The following COL6A6 variants were observed in gnomAD, a reference collection of about 807,000 sequenced individuals.
The protein encoded by COL6A6 is collagen type VI alpha 6 chain.
In COL6A6, 183 loss-of-function variants were observed where a neutral mutation model predicts 208.6. The observed-to-expected ratio is 0.88, with a 90% CI of 0.78 to 0.99. COL6A6 has a LOEUF of 0.99. Ranked by LOEUF, COL6A6 falls within the 50% of genes least tolerant of loss-of-function variation. The pLI, the probability that COL6A6 is intolerant of heterozygous loss-of-function variation, is 0.00. For synonymous variants in COL6A6, 973 were observed against 1,011.8 expected (o/e 0.96, Z 0.73); for missense variants, 2,816 against 2,815.2 (o/e 1.00, Z -0.01).
rs1422544682 is a variant in COL6A6, at chr3:130,641,697, G to A, written c.5137G>A (p.Gly1713Arg). 3 of 1,594,910 alleles carry A rather than the reference G, an allele frequency of 1.9e-6. No homozygotes were observed. The highest frequency in any genetic ancestry group is 2.6e-6 in the Non-Finnish European group (3 of 1,164,350). ...AGAGATGGGATCCCCTGGGGAACCA[G>A]GACCTCCTGGACGTAAGGTAAGTAG... ...PGEMGSPGEP[G>R]PPGRKGVKGA... is the part of the protein sequence containing the mutation. The change falls in exon 29 of 37, where the codon GGA becomes AGA. Residue 1713 changes from glycine (G) to arginine (R), a missense_variant. Physicochemically the swap from Gly to Arg is moderately radical, Grantham distance 125. Coordinates refer to ENST00000358511, the MANE Select transcript of COL6A6 (RefSeq NM_001102608.3).
intron 32 of COL6A6, among the ~76,000 whole-genome samples, chr3:130,647,299 G>T (rs577193767): frequency 6.6e-6 from 1 of 152,204 alleles, no homozygotes; most frequent in South Asian, 2.1e-4. Context: ...AAAAAAACTT[G>T]AATTTTTTTT....
intron 1 of COL6A6, among the ~76,000 whole-genome samples, chr3:130,554,154 G>A (rs1486660773): frequency 6.6e-5 from 10 of 152,226 alleles, no homozygotes; most frequent in Admixed American, 6.5e-4. Flanking sequence ...TTGGATGGTG[G>A]CAGCAAGCTC....
chr3:130,638,089 G>A (rs774379816), intron 28 of COL6A6, among the ~76,000 whole-genome samples: 5 of 151,478 alleles, frequency 3.3e-5, no homozygotes, highest in Non-Finnish European at 5.9e-5. Context: ...ATTCTCCCTT[G>A]CTAAGAACCA....
At chr3:130,598,586 C>T (rs1432831516) in intron 19 of COL6A6, among the ~76,000 whole-genome samples, 156 bp downstream of exon 19, 2 of 152,192 alleles carry the variant, frequency 1.3e-5, no homozygotes, top group African/African-American at 2.4e-5. Flanking sequence ...TTTTCTCCTG[C>T]CTATGTACTA....
Position 130,676,094 on chromosome 3 carries a change from T to C in COL6A6, c.*697T>C, listed in dbSNP as rs1257406953. 1 of 152,254 alleles carries C rather than the reference T, an allele frequency of 6.6e-6. No homozygotes were observed. The highest frequency in any genetic ancestry group is 1.9e-4 in the East Asian group (1 of 5,204). 9.4% of individuals were successfully genotyped at this position (152,254 alleles called of 1,614,324 possible). A position where few individuals can be genotyped will look rare whatever the true frequency, so the allele number is the denominator to read the frequency against. ...TTTGATGGAGCTTGAAGCCCCCATTTTGATGGACTTCTAGTCTGTCTTTCC... is the reference window on the plus strand; with the variant it reads ...TTTGATGGAGCTTGAAGCCCCCATTCTGATGGACTTCTAGTCTGTCTTTCC... On this transcript the variant is annotated 3_prime_UTR_variant, in exon 37 of 37. Transcript: ENST00000358511.
rs193083055 is a variant in COL6A6, at chr3:130,619,200, C to G, written c.4816-2621C>G. 1.6e-4 allele frequency among the ~76,000 whole-genome samples: 25 copies of G among 152,254 alleles called. No homozygotes were observed. In the East Asian group the frequency reaches 4.8e-3, roughly 29 times the overall value. ...CTAAGGAATGAGAAAGAGAAATACA[C>G]TAACAATTACTTACAGCGTAGAGGA... is the stretch of plus-strand genomic sequence containing the variant. On this transcript the variant is annotated intron_variant, in intron 23 of 36. Transcript: ENST00000358511.
rs371560710 is a variant in COL6A6 at position 130,550,925 on chromosome 3, T to C, written c.-31-9409T>C. Among the ~76,000 whole-genome samples the C allele has an allele frequency of 2.0e-5, 3 of 152,180 alleles. No homozygotes were observed. The South Asian group carries it at 6.2e-4, about 32-fold the overall frequency. On this transcript the variant is annotated intron_variant, in intron 1 of 36. Transcript: ENST00000358511. Reference sequence around the variant, plus strand: ...TCCATCTATTGAGATAATCATGTGGTTTTTGTTTTTAGTTCTGTTTGTGTG... The same window carrying C: ...TCCATCTATTGAGATAATCATGTGGCTTTTGTTTTTAGTTCTGTTTGTGTG...
At chr3:130,537,387 A>G (rs565838262) in intron 1 of COL6A6, among the ~76,000 whole-genome samples, 1 of 152,182 alleles carries the variant, frequency 6.6e-6, no homozygotes, top group Non-Finnish European at 1.5e-5. Flanking sequence ...AGTAGCTGTT[A>G]TTCGTTCCAG....
At chr3:130,610,800 T>A in intron 23 of COL6A6, 89 bp downstream of exon 23, 1 of 934,802 alleles carries the variant, frequency 1.1e-6, no homozygotes, top group Non-Finnish European at 1.6e-6. Flanking sequence ...AGTTATTTAC[T>A]GCTTGTGAAC....
intron 36 of COL6A6, among the ~76,000 whole-genome samples, 179 bp from the exon 37 acceptor site, chr3:130,675,023 T>C (rs1410939643): frequency 6.6e-6 from 1 of 152,208 alleles, no homozygotes; most frequent in Non-Finnish European, 1.5e-5. Flanking sequence ...AGATGTATCA[T>C]TTGTCAGCTT....
intron 20 of COL6A6, among the ~76,000 whole-genome samples, chr3:130,601,494 G>A (rs1462657262): frequency 6.6e-6 from 1 of 152,018 alleles, no homozygotes; most frequent in Non-Finnish European, 1.5e-5. Flanking sequence ...TTTCTAAAAG[G>A]GTGTAGTCAG....
intron 3 of COL6A6, among the ~76,000 whole-genome samples, chr3:130,563,968 T>C (rs2062957344): frequency 6.6e-6 from 1 of 152,226 alleles, no homozygotes; most frequent in Admixed American, 6.5e-5. Flanking sequence ...GGGCTTTAGT[T>C]GCTATGTAGT....
chr3:130,573,139 A>G (rs1199640775), intron 7 of COL6A6, among the ~76,000 whole-genome samples: 2 of 152,258 alleles, frequency 1.3e-5, no homozygotes, highest in East Asian at 3.8e-4. Flanking sequence ...GCATCCTTTT[A>G]AAACCTCTTC....
At chr3:130,628,035 A>G (rs573291663) in intron 26 of COL6A6, among the ~76,000 whole-genome samples, 2 of 152,370 alleles carry the variant, frequency 1.3e-5, no homozygotes, top group East Asian at 1.9e-4. Flanking sequence ...GAGAACTTCA[A>G]TAAATGGAGA....
At chr3:130,571,781 C>CA (rs1299686802) in intron 7 of COL6A6, among the ~76,000 whole-genome samples, 1 of 151,252 alleles carries the variant, frequency 6.6e-6, no homozygotes, top group African/African-American at 2.4e-5. Flanking sequence ...CTCAGGTGAT[C>CA]ATCCTGCCTC....
In COL6A6 at chr3:130,568,347, C is replaced by G; in HGVS notation, c.2144C>G (p.Thr715Ser). 6.2e-7 allele frequency: 1 copy of G among 1,613,978 alleles called. No individual in the cohort carries two copies. The highest frequency in any genetic ancestry group is 8.5e-7 in the Non-Finnish European group (1 of 1,179,898). The change falls in exon 6 of 37, where the codon ACC becomes AGC. Residue 715 changes from threonine to serine, a missense_variant. Coordinates refer to ENST00000358511, the MANE Select transcript of COL6A6 (RefSeq NM_001102608.3). ...TTTGTGTCTCAGTACTTCAGCCCCA[C>G]CAAGGGCGCCCGGCCCAACATCAGA... ...LSFVSQYFSP[T>S]KGARPNIRKF... is the part of the protein sequence containing the mutation.
Position 130,661,720 on chromosome 3 carries a change from G to A in COL6A6, c.5914G>A (p.Ala1972Thr), listed in dbSNP as rs2065937470. 6.2e-7 allele frequency: 1 copy of A among 1,613,934 alleles called. No homozygotes were observed. Among genetic ancestry groups the A allele is most frequent in the Non-Finnish European group, 8.5e-7 (1 of 1,179,864 alleles). Reference protein sequence around the residue: ...SYMDAAFLLDASRNMGSAEFE... With the variant: ...SYMDAAFLLDTSRNMGSAEFE... ...CATGGATGCTGCTTTCCTTCTGGAT[G>A]CCTCCCGGAACATGGGAAGTGCTGA... The change falls in exon 35 of 37, where the codon GCC becomes ACC. Residue 1972 changes from alanine to threonine, a missense_variant. Transcript: ENST00000358511.
chr3:130,573,487 C>G (rs1419183771), intron 7 of COL6A6, among the ~76,000 whole-genome samples: 2 of 152,026 alleles, frequency 1.3e-5, no homozygotes, highest in Non-Finnish European at 1.5e-5. Flanking sequence ...GCCTTTATTT[C>G]CTCTACAATT....
Position 130,568,172 on chromosome 3 carries a change from G to T in COL6A6, c.1969G>T (p.Asp657Tyr). 1 of 1,614,018 alleles carries T rather than the reference G, an allele frequency of 6.2e-7. No homozygotes were observed. Among genetic ancestry groups the T allele is most frequent in the East Asian group, 2.2e-5 (1 of 44,888 alleles). ...NLVSKSQIGP[D>Y]RVQIGVVQFS... Reference sequence around the variant, plus strand: ...GGTGAGCAAGTCTCAGATTGGACCAGATCGGGTGCAAATTGGTGTAGTCCA... The same window carrying T: ...GGTGAGCAAGTCTCAGATTGGACCATATCGGGTGCAAATTGGTGTAGTCCA... The change falls in exon 6 of 37, where the codon GAT becomes TAT. Residue 657 changes from aspartate (D) to tyrosine (Y), a missense_variant. Asp to Tyr is a radical substitution (Grantham distance 160, BLOSUM62 -3). Transcript: ENST00000358511.
Sources: allele counts gnomAD v4.1 joint callset (sites outside exome capture counted in the v4.1 genomes callset), GRCh38; gene constraint gnomAD v4.1.1; transcripts MANE v1.5; gene names NCBI Gene and HGNC (gene_info 2026-07-23, HGNC 2026-07-21).